Variants in MS4A10 observed in about 807,000 individuals in gnomAD.
The protein encoded by MS4A10 is membrane-spanning 4-domains subfamily A member 10.
In MS4A10, 27 loss-of-function variants were observed where a neutral mutation model predicts 27.7. The observed-to-expected ratio is 0.98, with a 90% confidence interval of 0.72 to 1.35. The LOEUF is 1.35. Ranked by LOEUF, MS4A10 falls within the 40% of genes most tolerant of loss-of-function variation. MS4A10 has a pLI of 0.00. For missense variants in MS4A10, 338 were observed against 324.7 expected (o/e 1.04, Z -0.32); for synonymous variants, 139 against 131.2 (o/e 1.06, Z -0.41).
intron 1 of MS4A10, among the ~76,000 whole-genome samples, chr11:60,786,181 A>ATG (rs1854333478): frequency 7.6e-6 from 1 of 132,408 alleles, no homozygotes; most frequent in Admixed American, 7.4e-5. Flanking sequence ...ATGCACACAC[A>ATG]CACACACGCA....
chr11:60,790,548 G>A, intron 2 of MS4A10, 30 bp downstream of exon 2: 1 of 1,612,346 alleles, frequency 6.2e-7, no homozygotes, highest in Non-Finnish European at 8.5e-7. Flanking sequence ...GGTCCCAGCA[G>A]TGGGAGGCAG....
intron 1 of MS4A10, among the ~76,000 whole-genome samples, chr11:60,785,723 T>A (rs1451990073): frequency 6.6e-6 from 1 of 152,122 alleles, no homozygotes; most frequent in Non-Finnish European, 1.5e-5. Flanking sequence ...CGGAGCCCCA[T>A]CCTGCTGCCA....
chr11:60,793,211 T>G (rs1854461208), intron 4 of MS4A10, among the ~76,000 whole-genome samples: 1 of 152,192 alleles, frequency 6.6e-6, no homozygotes. Context: ...GAAGGATGGT[T>G]GTGCAGTTTA....
intron 7 of MS4A10, 124 bp downstream of exon 7, chr11:60,798,638 C>T (rs1429695714): frequency 2.7e-5 from 19 of 716,936 alleles, no homozygotes; most frequent in Non-Finnish European, 4.0e-5. Context: ...AGTGCTGCAG[C>T]TAGAACTGCC....
At position 60,785,384 on chromosome 11, in the gene MS4A10, A is replaced by G. The variant is rs1369085392; in HGVS notation, c.-60A>G. ...CTCCGGCAGCGCAAGAGGGCAAAGCACAGCTGGAAGCTCAGAGCTGCAGTC... is the reference window on the plus strand; with the variant it reads ...CTCCGGCAGCGCAAGAGGGCAAAGCGCAGCTGGAAGCTCAGAGCTGCAGTC... On this transcript the variant is annotated 5_prime_UTR_variant, in exon 1 of 8. Coordinates refer to ENST00000308287, the MANE Select transcript of MS4A10 (RefSeq NM_206893.4). The G allele has an allele frequency of 2.0e-5, 3 of 152,274 alleles. No individual in the cohort carries two copies. The highest frequency in any genetic ancestry group is 4.4e-5 in the Non-Finnish European group (3 of 68,092). 9.4% of individuals were successfully genotyped at this position (152,274 alleles called of 1,614,324 possible).
At chr11:60,790,850 G>A (rs957550448) in intron 2 of MS4A10, 124 bp from the exon 3 acceptor site, 3 of 1,375,932 alleles carry the variant, frequency 2.2e-6, no homozygotes, top group Admixed American at 2.2e-5. Context: ...AGAGAGCCTG[G>A]TCTCTGGGAT....
In MS4A10 at chr11:60,799,863, G is replaced by A. The variant is rs1854603126; in HGVS notation, c.758G>A (p.Trp253Ter). Residue 253 changes from tryptophan (W) to a stop codon, truncating the protein, a stop_gained, in exon 8 of 8, where the codon TGG becomes TAG. Coordinates refer to ENST00000308287, the MANE Select transcript of MS4A10 (RefSeq NM_206893.4). LOFTEE classifies it low-confidence loss of function (END_TRUNC). ...GTTAAGCAAGTTGCCCCGGACACATGGATAGTCACTGACGGAGCTGCGATC... is the reference window on the plus strand; with the variant it reads ...GTTAAGCAAGTTGCCCCGGACACATAGATAGTCACTGACGGAGCTGCGATC... ...REVKQVAPDT[W>*]IVTDGAAIWT... 2 of 1,605,116 alleles carry A rather than the reference G, an allele frequency of 1.2e-6. No individual in the cohort carries two copies. Among genetic ancestry groups the A allele is most frequent in the Non-Finnish European group, 1.7e-6 (2 of 1,172,364 alleles).
chr11:60,797,245 C>T (rs900325581), intron 6 of MS4A10, among the ~76,000 whole-genome samples: 15 of 152,160 alleles, frequency 9.9e-5, no homozygotes, highest in African/African-American at 3.6e-4. Context: ...ATAATTGTTC[C>T]TATTTATTGA....
chr11:60,793,953 CTTTATT>C lies in MS4A10; in HGVS notation c.361-15_361-10del. 1 of 1,613,386 alleles carries C rather than the reference CTTTATT, an allele frequency of 6.2e-7. No homozygotes were observed. On this transcript the variant is annotated splice_polypyrimidine_tract_variant and intron_variant, in intron 4 of 7. Transcript: ENST00000308287. Reference sequence around the variant, plus strand: ...TCTCCACCCTTTGGACAGCTGTTACCTTTATTTTTCACCTATAGAAGATGTTGTGCC... The same window carrying C: ...TCTCCACCCTTTGGACAGCTGTTACCTTTCACCTATAGAAGATGTTGTGCC...
At position 60,795,584 on chromosome 11, in the gene MS4A10, G is replaced by A; in HGVS notation, c.522G>A (p.Leu174=). ...ACATCCAGAGGCTGGAGCTGGCCTT[G>A]CTCTGCTTCACTGTCCTAGAGCTCT... is the stretch of plus-strand genomic sequence containing the variant. ...TVHIQRLELA[L]LCFTVLELFL... is the part of the protein sequence containing the mutation. The change falls in exon 6 of 8, where the codon TTG becomes TTA. Residue 174 remains leucine, a synonymous_variant. Coordinates refer to ENST00000308287, the MANE Select transcript of MS4A10 (RefSeq NM_206893.4). The A allele has an allele frequency of 6.3e-7, 1 of 1,582,388 alleles. No individual in the cohort carries two copies. Among genetic ancestry groups the A allele is most frequent in the Non-Finnish European group, 8.6e-7 (1 of 1,164,232 alleles).
chr11:60,786,216 G>A (rs1199671644), intron 1 of MS4A10, among the ~76,000 whole-genome samples: 1 of 149,366 alleles, frequency 6.7e-6, no homozygotes, highest in African/African-American at 2.5e-5. Flanking sequence ...CACACACCCT[G>A]AGAAGCTCTC....
At chr11:60,795,401 C>A (rs1854509332) in intron 5 of MS4A10, among the ~76,000 whole-genome samples, 154 bp from the exon 6 acceptor site, 2 of 152,150 alleles carry the variant, frequency 1.3e-5, no homozygotes, top group Non-Finnish European at 2.9e-5. Context: ...CCCACAGAGA[C>A]CCACCCTGCC....
chr11:60,791,233 T>C (rs2076223570), intron 3 of MS4A10, 140 bp downstream of exon 3: 1 of 1,100,456 alleles, frequency 9.1e-7, no homozygotes, highest in Admixed American at 2.7e-5. Context: ...TTCTCCAGTG[T>C]TCCTAGCTCT....
At chr11:60,795,128 A>G (rs1207840977) in intron 5 of MS4A10, among the ~76,000 whole-genome samples, 1 of 152,068 alleles carries the variant, frequency 6.6e-6, no homozygotes, top group African/African-American at 2.4e-5. Flanking sequence ...ATGCTTCCCC[A>G]TCAAATGCAT....
chr11:60,790,970 C>G lies in MS4A10; in HGVS notation c.184-4C>G. On this transcript the variant is annotated splice_polypyrimidine_tract_variant and splice_region_variant and intron_variant, in intron 2 of 7. Coordinates refer to ENST00000308287, the MANE Select transcript of MS4A10 (RefSeq NM_206893.4). The stretch of plus-strand genomic sequence containing the variant: ...ACCCCAGCCATTCTCTCTTCCCCAC[C>G]CAGGCCTTCCACATCACCATCGCTC... 1 of 1,614,092 alleles carries G rather than the reference C, an allele frequency of 6.2e-7. No individual in the cohort carries two copies.
Position 60,798,039 on chromosome 11 carries a change from C to T in MS4A10, c.604-357C>T, listed in dbSNP as rs1239497721. ...ATTGGCAGACACTGTTGGCATTAGA[C>T]CTGCCCCTAGAGTGTATCCTGGCTA... On this transcript the variant is annotated intron_variant, in intron 6 of 7. Coordinates refer to ENST00000308287, the MANE Select transcript of MS4A10 (RefSeq NM_206893.4). 2.0e-5 allele frequency among the ~76,000 whole-genome samples: 3 copies of T among 152,246 alleles called. No homozygotes were observed. The East Asian group carries it at 5.8e-4, about 29-fold the overall frequency.
intron 1 of MS4A10, among the ~76,000 whole-genome samples, chr11:60,787,923 A>G (rs952120221): frequency 2.0e-5 from 3 of 152,150 alleles, no homozygotes; most frequent in African/African-American, 7.2e-5. Context: ...AGGCTGAGGC[A>G]GGAGAATCAC....
At chr11:60,791,539 C>T (rs1854430921) in intron 3 of MS4A10, among the ~76,000 whole-genome samples, 1 of 152,224 alleles carries the variant, frequency 6.6e-6, no homozygotes, top group Admixed American at 6.5e-5. Flanking sequence ...TGGGAGATGA[C>T]ACTGGACCAG....
At chr11:60,788,001 G>A (rs1854367997) in intron 1 of MS4A10, among the ~76,000 whole-genome samples, 1 of 151,918 alleles carries the variant, frequency 6.6e-6, no homozygotes, top group African/African-American at 2.4e-5. Flanking sequence ...TGGGTGACAA[G>A]AGCGAAACTC....
Sources: gnomAD v4.1 joint callset for allele counts (sites outside exome capture counted in the v4.1 genomes callset) on GRCh38, gnomAD v4.1.1 for gene constraint, MANE v1.5 for transcripts, NCBI Gene and HGNC (gene_info 2026-07-23, HGNC 2026-07-21) for gene names.